RARB: variants seen among roughly 807,000 people sequenced by gnomAD.
RARB encodes the protein HBV-activated protein.
RARB carries 17 observed loss-of-function variants against 51.9 expected under a neutral mutation model. The ratio of observed to expected loss-of-function variants is 0.33; its 90% CI spans 0.22 to 0.49. The LOEUF (loss-of-function observed/expected upper bound fraction) is 0.49, where lower values mean the gene tolerates loss of function less well. Among genes scored for constraint, RARB ranks in the 20% least tolerant of loss-of-function variants. The pLI, the probability that RARB is intolerant of heterozygous loss-of-function variation, is 0.99. For synonymous variants in RARB, 215 were observed against 195.4 expected, an observed-to-expected ratio of 1.10 and a Z score of -0.84; for missense variants, 369 against 550.8, an observed-to-expected ratio of 0.67 and a Z score of 3.30.
chr3:24,920,317 A>G (rs1363217645), intron 2 of RARB, among the ~76,000 whole-genome samples: 1 of 152,240 alleles, frequency 6.6e-6, no homozygotes, highest in Admixed American at 6.5e-5. Flanking sequence ...TTTCCTTAAT[A>G]TATAATGGAA....
At chr3:24,875,905 T>A (rs910767942) in intron 2 of RARB, among the ~76,000 whole-genome samples, 4 of 152,146 alleles carry the variant, frequency 2.6e-5, no homozygotes, top group Non-Finnish European at 5.9e-5. Flanking sequence ...TATTCCTCCC[T>A]TGTCCTTCAA....
At chr3:25,542,548 T>G (rs546855904) in intron 3 of RARB, among the ~76,000 whole-genome samples, 3 of 152,358 alleles carry the variant, frequency 2.0e-5, no homozygotes, top group Admixed American at 2.0e-4. Flanking sequence ...ACTGTAGTAT[T>G]AATAAAAGCT....
intron 2 of RARB, among the ~76,000 whole-genome samples, chr3:25,052,383 T>C (rs1338839618): frequency 2.0e-5 from 3 of 152,152 alleles, no homozygotes; most frequent in South Asian, 2.1e-4. Flanking sequence ...CTTTAACAAA[T>C]AAAAATATAG....
At chr3:25,506,153 C>A (rs1319642810) in intron 3 of RARB, among the ~76,000 whole-genome samples, 1 of 147,054 alleles carries the variant, frequency 6.8e-6, no homozygotes, top group Non-Finnish European at 1.5e-5. Context: ...CTCAGGAGGC[C>A]AAGGCAGGAG....
At chr3:25,311,959 A>G (rs1165428202) in intron 5 of RARB, among the ~76,000 whole-genome samples, 1 of 152,232 alleles carries the variant, frequency 6.6e-6, no homozygotes, top group East Asian at 1.9e-4. Flanking sequence ...GTTCAAGTAA[A>G]ACACAACTCA....
intron 5 of RARB, among the ~76,000 whole-genome samples, chr3:25,353,855 T>C (rs893862665): frequency 2.0e-5 from 3 of 152,098 alleles, no homozygotes; most frequent in African/African-American, 7.2e-5. Flanking sequence ...AAGCTGTCTG[T>C]GGAATTCTTT....
intron 2 of RARB, among the ~76,000 whole-genome samples, chr3:24,864,080 C>T (rs868214189): frequency 6.6e-6 from 1 of 152,220 alleles, no homozygotes; most frequent in Non-Finnish European, 1.5e-5. Context: ...GTTTCACTAA[C>T]TTTTGCTCCT....
At chr3:25,164,366 A>G (rs1352548553) in intron 4 of RARB, among the ~76,000 whole-genome samples, 2 of 152,220 alleles carry the variant, frequency 1.3e-5, no homozygotes, top group African/African-American at 4.8e-5. Flanking sequence ...ATAGGTGGGA[A>G]GGCCAGCGTT....
At chr3:25,017,612 G>C (rs1263203006) in intron 2 of RARB, among the ~76,000 whole-genome samples, 1 of 152,146 alleles carries the variant, frequency 6.6e-6, no homozygotes, top group Non-Finnish European at 1.5e-5. Flanking sequence ...TATAATAGGA[G>C]ATAAGGTGGA....
intron 5 of RARB, among the ~76,000 whole-genome samples, chr3:25,191,649 A>G (rs1313576231): frequency 2.0e-5 from 3 of 152,148 alleles, no homozygotes; most frequent in African/African-American, 7.2e-5. Flanking sequence ...GCAATAACTA[A>G]GTAACTTGCA....
chr3:24,981,889 C>G (rs1696683146), intron 2 of RARB, among the ~76,000 whole-genome samples: 2 of 152,284 alleles, frequency 1.3e-5, no homozygotes, highest in Middle Eastern at 6.8e-3. Flanking sequence ...GAGCTGTAGA[C>G]CAGAGCTATT....
At chr3:25,015,218 C>T (rs559567378) in intron 2 of RARB, among the ~76,000 whole-genome samples, 3 of 152,020 alleles carry the variant, frequency 2.0e-5, no homozygotes, top group Non-Finnish European at 4.4e-5. Context: ...TTAACGCTAA[C>T]CATATTATAT....
intron 3 of RARB, among the ~76,000 whole-genome samples, chr3:25,068,634 C>CTTAGGTTTAAA (rs2125307293): frequency 6.6e-6 from 1 of 152,128 alleles, no homozygotes; most frequent in South Asian, 2.1e-4. Flanking sequence ...TATTTTAATC[C>CTTAGGTTTAAA]TTAGGTACCC....
intron 5 of RARB, among the ~76,000 whole-genome samples, chr3:25,225,863 C>G (rs1429728272): frequency 6.6e-6 from 1 of 152,158 alleles, no homozygotes; most frequent in Non-Finnish European, 1.5e-5. Context: ...AGTTGAGCAA[C>G]CTGATAATTC....
At chr3:24,871,622 A>C (rs561668997) in intron 2 of RARB, among the ~76,000 whole-genome samples, 1 of 152,148 alleles carries the variant, frequency 6.6e-6, no homozygotes, top group African/African-American at 2.4e-5. Flanking sequence ...CTTGCATTCA[A>C]TGTTCTCGCC....
chr3:25,238,564 G>GT (rs111785878), intron 5 of RARB, among the ~76,000 whole-genome samples: 8 of 152,096 alleles, frequency 5.3e-5, no homozygotes, highest in Non-Finnish European at 1.0e-4. Context: ...TGCATTTTTA[G>GT]TTTTTTGAAA....
intron 4 of RARB, among the ~76,000 whole-genome samples, chr3:25,137,617 A>G (rs555105323): frequency 1.4e-4 from 22 of 152,240 alleles, no homozygotes; most frequent in African/African-American, 4.6e-4. Flanking sequence ...CTCTTATTGA[A>G]TTTAACTGTA....
intron 5 of RARB, among the ~76,000 whole-genome samples, chr3:25,307,943 C>A (rs322694): frequency 0.84 from 128,089 of 152,222 alleles, 54,146 homozygotes; most frequent in East Asian, 1. Flanking sequence ...AGGGTTGAGT[C>A]GTTGGAATAG....
At chr3:25,089,140 AT>A (rs577504071) in intron 3 of RARB, among the ~76,000 whole-genome samples, 2,762 of 149,942 alleles carry the variant, frequency 0.018, 70 homozygotes, top group East Asian at 0.064. Flanking sequence ...GAGTGAGCCG[AT>A]TTTTTTTTTA....
Sources: gnomAD v4.1 joint callset for allele counts (sites outside exome capture counted in the v4.1 genomes callset) on GRCh38, gnomAD v4.1.1 for gene constraint, MANE v1.5 for transcripts, NCBI Gene and HGNC (gene_info 2026-07-23, HGNC 2026-07-21) for gene names.